Variants in LACTB2 observed in about 807,000 individuals in gnomAD.
The protein encoded by LACTB2 is lactamase beta 2, also known as endoribonuclease LACTB2.
In LACTB2, 32 loss-of-function variants were observed where a neutral mutation model predicts 34.8. The ratio of observed to expected loss-of-function variants is 0.92; its 90% CI spans 0.69 to 1.24. LACTB2 has a LOEUF of 1.24. Among genes scored for constraint, LACTB2 ranks in the 50% most tolerant of loss-of-function variants. LACTB2 has a pLI of 0.00. For synonymous variants in LACTB2, 120 were observed against 117.5 expected, an observed-to-expected ratio of 1.02 and a Z score of -0.14; for missense variants, 320 against 345.0, an observed-to-expected ratio of 0.93 and a Z score of 0.57.
At chr8:70,642,504 CT>C (rs35951740) in intron 4 of LACTB2, among the ~76,000 whole-genome samples, 9,182 of 130,164 alleles carry the variant, frequency 0.071, 257 homozygotes, top group Non-Finnish European at 0.079. Context: ...TCTTTCTTAG[CT>C]TTTTTTTTTT....
chr8:70,646,743 G>C (rs2132071970), intron 3 of LACTB2: 1 of 152,262 alleles, frequency 6.6e-6, no homozygotes, highest in East Asian at 1.9e-4. Context: ...AAAAAGCTGA[G>C]TTCAAATAAT....
intron 6 of LACTB2, 124 bp from the exon 7 acceptor site, chr8:70,638,027 T>C (rs866561734): frequency 4.1e-6 from 2 of 489,158 alleles, no homozygotes; most frequent in Non-Finnish European, 7.1e-6. Flanking sequence ...CAATATAAAG[T>C]TGGGTATTTT....
intron 1 of LACTB2, chr8:70,662,743 A>C (rs1818495610): frequency 6.6e-6 from 1 of 152,106 alleles, no homozygotes; most frequent in Non-Finnish European, 1.5e-5. Context: ...GCTGGAGTGC[A>C]GTGTTGCGAT....
chr8:70,662,456 G>A (rs1364802731), intron 1 of LACTB2: 1 of 152,114 alleles, frequency 6.6e-6, no homozygotes, highest in Middle Eastern at 3.2e-3. Context: ...ACTTATCACT[G>A]AAGTTTTATA....
chr8:70,657,349 A>G (rs1367132406), intron 3 of LACTB2, among the ~76,000 whole-genome samples: 1 of 152,088 alleles, frequency 6.6e-6, no homozygotes, highest in African/African-American at 2.4e-5. Flanking sequence ...CTCCCAGAGT[A>G]AGCAATGTTT....
At chr8:70,658,041 A>T (rs1818434483) in intron 2 of LACTB2, among the ~76,000 whole-genome samples, 159 bp from the exon 3 acceptor site, 1 of 152,232 alleles carries the variant, frequency 6.6e-6, no homozygotes. Context: ...TATCTCTGGG[A>T]TGTAAATATT....
rs756572185 is a variant in LACTB2, at chr8:70,669,096, C to T, written c.25G>A (p.Glu9Lys). The T allele has an allele frequency of 1.9e-6, 3 of 1,611,160 alleles. No individual in the cohort carries two copies. The African/African-American group carries it at 4.0e-5, about 22-fold the overall frequency. The change falls in exon 1 of 7, where the codon GAG (glutamate) becomes AAG (lysine). Residue 9 changes from glutamate (E) to lysine (K), a missense_variant. Physicochemically the swap from Glu to Lys is moderately conservative, Grantham distance 56. Transcript: ENST00000276590. MAAVLQRV[E>K]RLSNRVVRVL... is the part of the protein sequence containing the mutation. ...CGCACGACTCGATTGGACAGCCGCT[C>T]GACGCGCTGCAGTACAGCAGCCATT... is the stretch of plus-strand genomic sequence containing the variant.
intron 5 of LACTB2, 54 bp from the exon 6 acceptor site, chr8:70,638,683 C>T: frequency 7.8e-7 from 1 of 1,280,732 alleles, no homozygotes; most frequent in African/African-American, 1.6e-5. Flanking sequence ...AAAAAGAACA[C>T]AGTTAATTTT....
intron 3 of LACTB2, among the ~76,000 whole-genome samples, chr8:70,650,634 G>A (rs1280890775): frequency 2.7e-5 from 4 of 150,470 alleles, no homozygotes; most frequent in Admixed American, 6.7e-5. Flanking sequence ...GGAGTCTAAG[G>A]CAAGAGAATT....
In LACTB2 at chr8:70,638,539, C is replaced by A. The variant is rs771158876; in HGVS notation, c.823+9G>T. On this transcript the variant is annotated intron_variant, in intron 6 of 6. Coordinates refer to ENST00000276590, the MANE Select transcript of LACTB2 (RefSeq NM_016027.3). ...CTGGTAATAGAAGAAAATTTGGAAGCATACTCACATATTTTTCCTTCTTTT... is the reference window on the plus strand; with the variant it reads ...CTGGTAATAGAAGAAAATTTGGAAGAATACTCACATATTTTTCCTTCTTTT... 7.9e-6 allele frequency: 12 copies of A among 1,523,054 alleles called. No individual in the cohort carries two copies. The African/African-American group carries it at 1.4e-4, about 18-fold the overall frequency. 94.3% of individuals were successfully genotyped at this position (1,523,054 alleles called of 1,614,324 possible).
At chr8:70,658,468 A>T (rs1160452097) in intron 2 of LACTB2, among the ~76,000 whole-genome samples, 1 of 152,196 alleles carries the variant, frequency 6.6e-6, no homozygotes, top group Non-Finnish European at 1.5e-5. Flanking sequence ...TATACTAGGT[A>T]TACTGAATAC....
At chr8:70,644,405 G>C (rs1818237137) in intron 3 of LACTB2, among the ~76,000 whole-genome samples, 162 bp from the exon 4 acceptor site, 1 of 152,150 alleles carries the variant, frequency 6.6e-6, no homozygotes, top group African/African-American at 2.4e-5. Flanking sequence ...ATTATCATTA[G>C]AAAATTCTCT....
intron 1 of LACTB2, among the ~76,000 whole-genome samples, chr8:70,667,928 A>G (rs1002058340): frequency 1.3e-5 from 2 of 152,190 alleles, no homozygotes; most frequent in Non-Finnish European, 2.9e-5. Context: ...TGGTTGAGGG[A>G]CTTCCAGCCA....
chr8:70,655,687 T>C (rs1380092335), intron 3 of LACTB2, among the ~76,000 whole-genome samples: 1 of 152,230 alleles, frequency 6.6e-6, no homozygotes, highest in Non-Finnish European at 1.5e-5. Flanking sequence ...TTTTGTATAA[T>C]GACTTCTTTT....
At chr8:70,663,515 G>A (rs1039690737) in intron 1 of LACTB2, among the ~76,000 whole-genome samples, 2 of 152,190 alleles carry the variant, frequency 1.3e-5, no homozygotes, top group Admixed American at 6.5e-5. Flanking sequence ...TGGACCAAGA[G>A]GGCATTTATT....
In LACTB2 at chr8:70,666,711, G is replaced by A. The variant is rs534690564; in HGVS notation, c.122+2288C>T. Among the ~76,000 whole-genome samples the A allele has an allele frequency of 2.6e-5, 4 of 152,372 alleles. No homozygotes were observed. The South Asian group carries it at 8.3e-4, about 32-fold the overall frequency. Reference sequence around the variant, plus strand: ...CAAGAGTTGTGCTGGCTTGGACTGAGTGACAGCAGGGGACATGAACAGATC... The same window carrying A: ...CAAGAGTTGTGCTGGCTTGGACTGAATGACAGCAGGGGACATGAACAGATC... On this transcript the variant is annotated intron_variant, in intron 1 of 6. Coordinates refer to ENST00000276590, the MANE Select transcript of LACTB2 (RefSeq NM_016027.3).
chr8:70,649,369 G>T (rs1168193314), intron 3 of LACTB2, among the ~76,000 whole-genome samples: 3 of 152,134 alleles, frequency 2.0e-5, no homozygotes, highest in Non-Finnish European at 4.4e-5. Context: ...ATTAAATTGA[G>T]AGAATCCATG....
rs369310934 is a variant in LACTB2 at position 70,662,131 on chromosome 8, G to A, written c.123-234C>T. The A allele has an allele frequency of 4.3e-5, 15 of 349,900 alleles. No homozygotes were observed. The South Asian group carries it at 6.4e-4, about 15-fold the overall frequency. 21.7% of individuals were successfully genotyped at this position (349,900 alleles called of 1,614,324 possible). A position where few individuals can be genotyped will look rare whatever the true frequency, so the allele number is the denominator to read the frequency against. On this transcript the variant is annotated intron_variant, in intron 1 of 6. Coordinates refer to ENST00000276590, the MANE Select transcript of LACTB2 (RefSeq NM_016027.3). ...AACAAGGAATAATAGCAGTCATCTT[G>A]AACATTTACATAGCAATTAAAATAA...
chr8:70,661,604 T>TAC, intron 2 of LACTB2, 130 bp downstream of exon 2: 1 of 742,726 alleles, frequency 1.3e-6, no homozygotes, highest in South Asian at 2.1e-5. Context: ...GTCTAATCAA[T>TAC]TTCTAAAAGT....
Sources: gnomAD v4.1 joint callset for allele counts (sites outside exome capture counted in the v4.1 genomes callset) on GRCh38, gnomAD v4.1.1 for gene constraint, MANE v1.5 for transcripts, NCBI Gene and HGNC (gene_info 2026-07-23, HGNC 2026-07-21) for gene names.